FAP: variants seen among roughly 807,000 people sequenced by gnomAD.
FAP encodes prolyl endopeptidase FAP.
A neutral mutation model predicts 126.5 loss-of-function variants in FAP; 110 were observed. The ratio of observed to expected loss-of-function variants is 0.87; its 90% CI spans 0.74 to 1.02. The LOEUF (loss-of-function observed/expected upper bound fraction) is 1.02, where lower values mean the gene tolerates loss of function less well. Among genes scored for constraint, FAP ranks in the 50% least tolerant of loss-of-function variants. The pLI, the probability that FAP is intolerant of heterozygous loss-of-function variation, is 0.00. For synonymous variants in FAP, 334 were observed against 297.3 expected (o/e 1.12, Z -1.27); for missense variants, 919 against 909.2 (o/e 1.01, Z -0.14).
intron 12 of FAP, among the ~76,000 whole-genome samples, chr2:162,207,088 AATAC>A (rs1437873611): frequency 6.6e-6 from 1 of 152,226 alleles, no homozygotes; most frequent in Non-Finnish European, 1.5e-5. Context: ...GAATGTCTGA[AATAC>A]ATACACATTT....
At chr2:162,195,274 G>C (rs768918274) in intron 16 of FAP, among the ~76,000 whole-genome samples, 18 of 152,002 alleles carry the variant, frequency 1.2e-4, no homozygotes, top group African/African-American at 4.3e-4. Context: ...CAGGTCCCTG[G>C]GAAGCAGTCT....
chr2:162,219,753 A>ATTTTT (rs564423425), intron 7 of FAP, 100 bp downstream of exon 7: 3 of 784,928 alleles, frequency 3.8e-6, no homozygotes, highest in Non-Finnish European at 4.3e-6. Context: ...TCATGAATGT[A>ATTTTT]TTTTTTTTTC....
At chr2:162,182,917 A>G (rs1687742126) in intron 21 of FAP, among the ~76,000 whole-genome samples, 1 of 152,186 alleles carries the variant, frequency 6.6e-6, no homozygotes, top group South Asian at 2.1e-4. Flanking sequence ...GTTAGCACAA[A>G]CGAACATTCG....
intron 2 of FAP, among the ~76,000 whole-genome samples, chr2:162,237,065 T>C (rs1299418347): frequency 6.6e-6 from 1 of 152,192 alleles, no homozygotes; most frequent in Non-Finnish European, 1.5e-5. Context: ...GTATTGTAAG[T>C]TATTCTGTTC....
Position 162,181,388 on chromosome 2 carries a change from T to C in FAP, c.1869+2026A>G, listed in dbSNP as rs368540613. ...TCTCCTTTAGGTGGCCTAAAGACTATTATCTGTATACTTGCTTATTCAGAC... is the reference window on the plus strand; with the variant it reads ...TCTCCTTTAGGTGGCCTAAAGACTACTATCTGTATACTTGCTTATTCAGAC... On this transcript the variant is annotated intron_variant, in intron 21 of 25. Transcript: ENST00000188790. Among the ~76,000 whole-genome samples, 13 of 152,308 alleles carry C rather than the reference T, an allele frequency of 8.5e-5. No individual in the cohort carries two copies. The South Asian group carries it at 1.7e-3, about 19-fold the overall frequency.
chr2:162,200,742 T>G, intron 14 of FAP, 123 bp from the exon 15 acceptor site: 1 of 518,000 alleles, frequency 1.9e-6, no homozygotes, highest in South Asian at 3.1e-5. Context: ...TAATTGGTGC[T>G]TAAGTACACA....
intron 21 of FAP, chr2:162,175,813 A>G (rs955052612): frequency 6.6e-6 from 1 of 152,120 alleles, no homozygotes; most frequent in African/African-American, 2.4e-5. Flanking sequence ...GGGCATCCAA[A>G]TAAGGTTGCA....
Position 162,198,521 on chromosome 2 carries a change from T to G in FAP, c.1402+236A>C, listed in dbSNP as rs1044316476. ...AGTCCTGGCTGATGCTTAGCTGCAG[T>G]GCGGACCTTTTGGCAAGTTACCCTG... is the stretch of plus-strand genomic sequence containing the variant. On this transcript the variant is annotated intron_variant, in intron 16 of 25. Coordinates refer to ENST00000188790, the MANE Select transcript of FAP (RefSeq NM_004460.5). The G allele has an allele frequency of 2.9e-5, 20 of 698,264 alleles. No individual in the cohort carries two copies. In the African/African-American group the frequency reaches 3.3e-4, roughly 11 times the overall value. 43.3% of individuals were successfully genotyped at this position (698,264 alleles called of 1,614,324 possible).
chr2:162,223,884 T>C lies in FAP; in HGVS notation c.361-224A>G, dbSNP rs1026142154. On this transcript the variant is annotated intron_variant, in intron 5 of 25. Coordinates refer to ENST00000188790, the MANE Select transcript of FAP (RefSeq NM_004460.5). ...CAAGTTCCAGAACTAATCTCAGCAG[T>C]GATTCAACCCTCACTCCATAAAAAG... 7.9e-5 allele frequency among the ~76,000 whole-genome samples: 12 copies of C among 152,244 alleles called. No homozygotes were observed. The Middle Eastern group carries it at 0.01, about 129-fold the overall frequency.
intron 20 of FAP, among the ~76,000 whole-genome samples, chr2:162,184,303 TG>T (rs985390171): frequency 3.9e-5 from 6 of 152,062 alleles, no homozygotes; most frequent in African/African-American, 1.2e-4. Flanking sequence ...TATGCAACAG[TG>T]ACAGGAAGGA....
At chr2:162,194,474 C>T (rs1688165772) in intron 17 of FAP, among the ~76,000 whole-genome samples, 1 of 152,130 alleles carries the variant, frequency 6.6e-6, no homozygotes, top group Non-Finnish European at 1.5e-5. Context: ...TATAACTCAT[C>T]TATCTGTGTT....
intron 3 of FAP, among the ~76,000 whole-genome samples, 191 bp downstream of exon 3, chr2:162,226,332 A>G (rs1689644441): frequency 6.6e-6 from 1 of 152,132 alleles, no homozygotes; most frequent in South Asian, 2.1e-4. Flanking sequence ...TGGCCTCATT[A>G]CTATGGCGCA....
chr2:162,202,157 T>C (rs1576162129), intron 14 of FAP, among the ~76,000 whole-genome samples: 1 of 152,256 alleles, frequency 6.6e-6, no homozygotes, highest in Non-Finnish European at 1.5e-5. Context: ...TTAGAAATTA[T>C]AGAAAGAAAG....
intron 2 of FAP, among the ~76,000 whole-genome samples, chr2:162,233,485 A>G (rs1339119428): frequency 6.6e-6 from 1 of 152,018 alleles, no homozygotes; most frequent in Non-Finnish European, 1.5e-5. Flanking sequence ...GATAGCATTG[A>G]GCATCATTCA....
chr2:162,190,380 AAT>A (rs1186624543), intron 17 of FAP, among the ~76,000 whole-genome samples: 1 of 151,898 alleles, frequency 6.6e-6, no homozygotes, highest in Non-Finnish European at 1.5e-5. Context: ...GTAAGACAAC[AAT>A]ATATATTGTG....
intron 2 of FAP, among the ~76,000 whole-genome samples, chr2:162,234,919 G>A (rs957113065): frequency 2.6e-5 from 4 of 152,164 alleles, no homozygotes; most frequent in African/African-American, 9.7e-5. Flanking sequence ...TAGAGTTCTG[G>A]GTGGGCGTGG....
chr2:162,232,985 G>A (rs1689958226), intron 2 of FAP, among the ~76,000 whole-genome samples: 1 of 152,070 alleles, frequency 6.6e-6, no homozygotes, highest in African/African-American at 2.4e-5. Context: ...ACATGGGGCT[G>A]GAGGAAGAGC....
chr2:162,233,079 T>C (rs931633978), intron 2 of FAP, among the ~76,000 whole-genome samples: 1 of 147,602 alleles, frequency 6.8e-6, no homozygotes, highest in Non-Finnish European at 1.5e-5. Flanking sequence ...CTACCACACC[T>C]GACTTTCACT....
At chr2:162,197,984 A>G (rs888840056) in intron 16 of FAP, among the ~76,000 whole-genome samples, 1 of 152,174 alleles carries the variant, frequency 6.6e-6, no homozygotes, top group Non-Finnish European at 1.5e-5. Flanking sequence ...AATATATTTC[A>G]TTGATCTATA....
Sources: gnomAD v4.1 joint callset for allele counts (sites outside exome capture counted in the v4.1 genomes callset) on GRCh38, gnomAD v4.1.1 for gene constraint, MANE v1.5 for transcripts, NCBI Gene and HGNC (gene_info 2026-07-23, HGNC 2026-07-21) for gene names.